The following TXN variants were observed in gnomAD, a reference collection of about 807,000 sequenced individuals.
The protein encoded by TXN is ADF.
A neutral mutation model predicts 16.5 loss-of-function variants in TXN; 10 were observed. The observed-to-expected ratio is 0.61, with a 90% confidence interval of 0.37 to 1.03. The LOEUF (loss-of-function observed/expected upper bound fraction) is 1.03. Among genes scored for constraint, TXN ranks in the 50% least tolerant of loss-of-function variants. The pLI is 0.01. For synonymous variants in TXN, 35 were observed against 39.4 expected (o/e 0.89, Z 0.42); for missense variants, 71 against 122.5 (o/e 0.58, Z 1.98).
At chr9:110,249,482 T>C (rs1246312763) in intron 3 of TXN, among the ~76,000 whole-genome samples, 4 of 152,070 alleles carry the variant, frequency 2.6e-5, no homozygotes, top group African/African-American at 4.8e-5. Context: ...CTGAGACTAA[T>C]GGTAAAGGAC....
intron 3 of TXN, among the ~76,000 whole-genome samples, chr9:110,249,258 T>C (rs900509104): frequency 1.4e-5 from 2 of 147,288 alleles, no homozygotes; most frequent in African/African-American, 2.5e-5. Context: ...CTAAGTTTGA[T>C]TAAAACAAGG....
At chr9:110,247,353 G>A (rs1837673060) in intron 3 of TXN, among the ~76,000 whole-genome samples, 1 of 151,928 alleles carries the variant, frequency 6.6e-6, no homozygotes, top group East Asian at 1.9e-4. Flanking sequence ...TACATTCAGG[G>A]TGATCAGGGT....
rs976761495 is a variant in TXN, at chr9:110,256,146, A to C, written c.24+266T>G. On this transcript the variant is annotated intron_variant, in intron 1 of 4. Coordinates refer to ENST00000374517, the MANE Select transcript of TXN (RefSeq NM_003329.4). The surrounding 1 kb of genome is among the most constrained non-coding windows in gnomAD (Gnocchi z 4.2). ...AATCCCCCGAGGAACAGGGTGCGAG[A>C]AACGCTGGGCACCGCCACTCCGCCC... is the stretch of plus-strand genomic sequence containing the variant. Among the ~76,000 whole-genome samples, 1 of 152,060 alleles carries C rather than the reference A, an allele frequency of 6.6e-6. No homozygotes were observed. Among genetic ancestry groups the C allele is most frequent in the African/African-American group, 2.4e-5 (1 of 41,410 alleles).
chr9:110,255,518 A>G (rs1374400598), intron 1 of TXN, among the ~76,000 whole-genome samples: 2 of 152,208 alleles, frequency 1.3e-5, no homozygotes, highest in Non-Finnish European at 2.9e-5. Flanking sequence ...GGCTGCTCCC[A>G]GGAGGAACCC....
At chr9:110,245,747 G>T (rs1458115223) in intron 3 of TXN, among the ~76,000 whole-genome samples, 1 of 145,010 alleles carries the variant, frequency 6.9e-6, no homozygotes, top group Non-Finnish European at 1.5e-5. Context: ...CCTTCCTCGG[G>T]CTCCCAAAGT....
At chr9:110,248,656 G>A (rs188033892) in intron 3 of TXN, among the ~76,000 whole-genome samples, 1 of 152,318 alleles carries the variant, frequency 6.6e-6, no homozygotes, top group African/African-American at 2.4e-5. Flanking sequence ...CCTCAGTACA[G>A]TATGGTGCAT....
At chr9:110,249,780 T>C (rs984837167) in intron 3 of TXN, among the ~76,000 whole-genome samples, 7 of 152,164 alleles carry the variant, frequency 4.6e-5, no homozygotes, top group African/African-American at 1.7e-4. Context: ...GGATATTCCA[T>C]GTTTGCTCAA....
rs200412877 is a variant in TXN, at chr9:110,251,397, C to T, written c.90G>A (p.Thr30=). 8.7e-6 allele frequency: 14 copies of T among 1,612,020 alleles called. No individual in the cohort carries two copies. Among genetic ancestry groups the T allele is most frequent in the African/African-American group, 6.7e-5 (5 of 74,950 alleles). The change falls in exon 2 of 5, where the codon ACG becomes ACA. Residue 30 remains threonine (T), a synonymous_variant. Coordinates refer to ENST00000374517, the MANE Select transcript of TXN (RefSeq NM_003329.4). ...TGATCATTTTGCAAGGCCCACACCA[C>T]GTGGCTGAGAAGTCAACTACTACAA... ...DKLVVVDFSA[T]WCGPCKMIKP... is the part of the protein sequence containing the mutation.
At chr9:110,249,242 A>AT (rs1249275666) in intron 3 of TXN, among the ~76,000 whole-genome samples, 6 of 151,586 alleles carry the variant, frequency 4.0e-5, no homozygotes, top group African/African-American at 1.2e-4. Flanking sequence ...ATTGACCTTA[A>AT]TAAGACTAAG....
chr9:110,248,144 T>TA (rs565618746), intron 3 of TXN, among the ~76,000 whole-genome samples: 2 of 152,042 alleles, frequency 1.3e-5, no homozygotes, highest in East Asian at 1.9e-4. Flanking sequence ...GTTAAAAAAA[T>TA]AAAAAAACTA....
chr9:110,245,654 A>ATATTT (rs1232332404), intron 3 of TXN, among the ~76,000 whole-genome samples: 6 of 21,774 alleles, frequency 2.8e-4, no homozygotes, highest in African/African-American at 9.9e-4. Context: ...ATATATATAT[A>ATATTT]TTTTTTTTTT....
In TXN at chr9:110,256,384, C is replaced by A. The variant is rs749838233; in HGVS notation, c.24+28G>T. Reference sequence around the variant, plus strand: ...TTACAGAGGCCGCGCGCGGCGCCGGCACCCTGGCCTTCCCCGGTAGCGCGT... The same window carrying A: ...TTACAGAGGCCGCGCGCGGCGCCGGAACCCTGGCCTTCCCCGGTAGCGCGT... On this transcript the variant is annotated intron_variant, in intron 1 of 4. Transcript: ENST00000374517. The surrounding 1 kb of genome is among the most constrained non-coding windows in gnomAD (Gnocchi z 4.2). 6.2e-7 allele frequency: 1 copy of A among 1,601,430 alleles called. No individual in the cohort carries two copies. Among genetic ancestry groups the A allele is most frequent in the South Asian group, 1.1e-5 (1 of 89,154 alleles).
At chr9:110,255,284 A>T (rs960991093) in intron 1 of TXN, among the ~76,000 whole-genome samples, 1 of 152,218 alleles carries the variant, frequency 6.6e-6, no homozygotes, top group Non-Finnish European at 1.5e-5. Context: ...TTCGAGCAGT[A>T]TCAATTTCCT....
At chr9:110,248,734 T>C (rs544034539) in intron 3 of TXN, among the ~76,000 whole-genome samples, 1 of 152,270 alleles carries the variant, frequency 6.6e-6, no homozygotes, top group African/African-American at 2.4e-5. Flanking sequence ...ATGAGGGTGC[T>C]AATAAAAAAT....
rs990978538 is a variant in TXN at position 110,255,827 on chromosome 9, G to T, written c.24+585C>A. 1.3e-5 allele frequency among the ~76,000 whole-genome samples: 2 copies of T among 152,220 alleles called. 1 individual carries two copies. Among genetic ancestry groups the T allele is most frequent in the South Asian group, 4.1e-4 (2 of 4,834 alleles). Reference sequence around the variant, plus strand: ...CGGGCATGGGTGGAGGCAGGCGGGGGTCTCCGGCCTAGACCCGCTCCCAAA... The same window carrying T: ...CGGGCATGGGTGGAGGCAGGCGGGGTTCTCCGGCCTAGACCCGCTCCCAAA... On this transcript the variant is annotated intron_variant, in intron 1 of 4. Transcript: ENST00000374517.
At chr9:110,247,940 G>A (rs1020672221) in intron 3 of TXN, among the ~76,000 whole-genome samples, 1 of 152,156 alleles carries the variant, frequency 6.6e-6, no homozygotes, top group Non-Finnish European at 1.5e-5. Context: ...GTGGGGATGG[G>A]AGACAGTGAT....
chr9:110,252,223 C>CAAA (rs377246017), intron 1 of TXN, among the ~76,000 whole-genome samples: 29 of 58,316 alleles, frequency 5.0e-4, no homozygotes, highest in African/African-American at 1.1e-3. Flanking sequence ...GACTCTGTCG[C>CAAA]AAAAAAAAAA....
intron 4 of TXN, 131 bp from the exon 5 acceptor site, chr9:110,244,350 TTCAGC>T: frequency 3.5e-6 from 1 of 283,934 alleles, no homozygotes; most frequent in Non-Finnish European, 6.5e-6. Flanking sequence ...TAAATATGTA[TTCAGC>T]ATAGAATGAA....
chr9:110,245,352 T>G (rs1184487035), intron 3 of TXN, among the ~76,000 whole-genome samples: 2 of 151,722 alleles, frequency 1.3e-5, no homozygotes, highest in East Asian at 3.9e-4. Flanking sequence ...TAAAAATCAA[T>G]TGTTCAAGAA....
Sources: gnomAD v4.1 joint callset for allele counts (sites outside exome capture counted in the v4.1 genomes callset) on GRCh38, gnomAD v4.1.1 for gene constraint, Gnocchi (gnomAD v3.1) non-coding constraint, MANE v1.5 for transcripts, NCBI Gene and HGNC (gene_info 2026-07-23, HGNC 2026-07-21) for gene names.